The following SLC24A2 variants were observed in gnomAD, a reference collection of about 807,000 sequenced individuals.
SLC24A2 encodes the protein solute carrier family 24 member 2.
A neutral mutation model predicts 62.0 loss-of-function variants in SLC24A2; 36 were observed. The ratio of observed to expected loss-of-function variants is 0.58; its 90% CI spans 0.44 to 0.77. SLC24A2 has a LOEUF of 0.77. Among genes scored for constraint, SLC24A2 ranks in the 30% least tolerant of loss-of-function variants. The probability of loss-of-function intolerance (pLI) is 0.00; values close to 1 mark genes in which losing one functional copy is unlikely to be tolerated. For synonymous variants in SLC24A2, 358 were observed against 294.0 expected (o/e 1.22, Z -2.23); for missense variants, 846 against 817.9 (o/e 1.03, Z -0.42).
chr9:19,552,928 C>T (rs1834916309), intron 7 of SLC24A2, among the ~76,000 whole-genome samples: 2 of 152,170 alleles, frequency 1.3e-5, no homozygotes, highest in Admixed American at 1.3e-4. Context: ...GAACAGCTTC[C>T]AAAGCTGCAT....
the SLC24A2 span, among the ~76,000 whole-genome samples, chr9:20,127,710 G>C: frequency 6.6e-6 from 1 of 152,128 alleles, no homozygotes; most frequent in Non-Finnish European, 1.5e-5. Flanking sequence ...AAGGATAAGA[G>C]ACAGACGGGA....
intron 9 of SLC24A2, among the ~76,000 whole-genome samples, chr9:19,521,417 A>C (rs1400709292): frequency 1.3e-5 from 2 of 152,230 alleles, no homozygotes; most frequent in African/African-American, 4.8e-5. Flanking sequence ...AGCACCTGGC[A>C]GTGGCACCAA....
chr9:20,255,867 C>G, the SLC24A2 span, among the ~76,000 whole-genome samples: 2 of 152,188 alleles, frequency 1.3e-5, no homozygotes, highest in African/African-American at 4.8e-5. Context: ...TTGAGCCCAG[C>G]TCCGATTGTT....
At chr9:19,969,914 G>C in the SLC24A2 span, among the ~76,000 whole-genome samples, 1 of 152,186 alleles carries the variant, frequency 6.6e-6, no homozygotes. Context: ...AATATAAAGT[G>C]TCTGTGCAAG....
chr9:19,685,161 T>C (rs1819843561), intron 2 of SLC24A2, among the ~76,000 whole-genome samples: 1 of 152,022 alleles, frequency 6.6e-6, no homozygotes, highest in Non-Finnish European at 1.5e-5. Context: ...CCATTCATAA[T>C]AGCCACAAAG....
At chr9:19,891,518 G>C in the SLC24A2 span, among the ~76,000 whole-genome samples, 1 of 152,156 alleles carries the variant, frequency 6.6e-6, no homozygotes, top group Non-Finnish European at 1.5e-5. Context: ...GACGGTGAAG[G>C]GGGAGAAAGC....
intron 7 of SLC24A2, among the ~76,000 whole-genome samples, chr9:19,560,417 A>G (rs1461252173): frequency 1.3e-5 from 2 of 151,780 alleles, no homozygotes; most frequent in Non-Finnish European, 2.9e-5. Context: ...TGGGGCCCTG[A>G]TCCAATAGGA....
chr9:19,662,463 T>C (rs993888911), intron 2 of SLC24A2, among the ~76,000 whole-genome samples: 6 of 152,218 alleles, frequency 3.9e-5, no homozygotes, highest in African/African-American at 1.4e-4. Context: ...CTTTCAGCTC[T>C]TACTCCTACT....
intron 8 of SLC24A2, among the ~76,000 whole-genome samples, chr9:19,531,701 C>CA (rs1465883752): frequency 7.0e-6 from 1 of 141,936 alleles, no homozygotes; most frequent in African/African-American, 2.6e-5. Context: ...GACCCCCCCC[C>CA]ACCCCCCAAA....
rs796363754 is a variant in SLC24A2 at position 19,632,635 on chromosome 9, ACTT to A, written c.931-10339_931-10337del. 3.0e-4 allele frequency among the ~76,000 whole-genome samples: 45 copies of A among 152,348 alleles called. No individual in the cohort carries two copies. Among genetic ancestry groups the A allele is most frequent in the African/African-American group, 9.6e-4 (40 of 41,578 alleles). On this transcript the variant is annotated intron_variant, in intron 2 of 10. Transcript: ENST00000341998. The surrounding 1 kb of genome is among the most constrained non-coding windows in gnomAD (Gnocchi z 4.5). ...GTATTATTAGGAAACATTTTTAATA[ACTT>A]CTTATTTGGAAATAATTATAGATTC...
chr9:19,914,391 C>A, the SLC24A2 span, among the ~76,000 whole-genome samples: 3 of 152,042 alleles, frequency 2.0e-5, no homozygotes, highest in African/African-American at 7.2e-5. Flanking sequence ...TACAAAAGAC[C>A]CTACTTGATC....
chr9:19,690,955 G>A (rs1340280211), intron 2 of SLC24A2, among the ~76,000 whole-genome samples: 1 of 152,038 alleles, frequency 6.6e-6, no homozygotes, highest in Non-Finnish European at 1.5e-5. Flanking sequence ...GAGACAGAGA[G>A]AGAATGTGTA....
At chr9:19,900,494 C>G in the SLC24A2 span, among the ~76,000 whole-genome samples, 2 of 152,080 alleles carry the variant, frequency 1.3e-5, no homozygotes, top group Admixed American at 6.5e-5. Context: ...ATCAGGCAGG[C>G]CTGAGTCCCA....
At chr9:20,178,609 G>A in the SLC24A2 span, among the ~76,000 whole-genome samples, 2 of 151,976 alleles carry the variant, frequency 1.3e-5, no homozygotes, top group Admixed American at 6.6e-5. Context: ...TTGTGAAACG[G>A]CAAACTAAAT....
At chr9:19,540,353 C>G in intron 8 of SLC24A2, among the ~76,000 whole-genome samples, 1 of 145,144 alleles carries the variant, frequency 6.9e-6, no homozygotes, top group African/African-American at 2.7e-5. Context: ...CCGGTTGTTC[C>G]TTTCCATGTT....
chr9:20,257,797 A>C, the SLC24A2 span, among the ~76,000 whole-genome samples: 3 of 152,290 alleles, frequency 2.0e-5, no homozygotes, highest in South Asian at 6.2e-4. Context: ...ACCCTCAATA[A>C]ATAATGGTTC....
At chr9:20,043,510 A>T in the SLC24A2 span, among the ~76,000 whole-genome samples, 1 of 152,236 alleles carries the variant, frequency 6.6e-6, no homozygotes, top group Non-Finnish European at 1.5e-5. Context: ...CATTAAGGGC[A>T]TTTGTGATTC....
intron 2 of SLC24A2, among the ~76,000 whole-genome samples, chr9:19,658,829 G>T (rs1188231931): frequency 1.3e-5 from 2 of 152,138 alleles, no homozygotes; most frequent in Non-Finnish European, 2.9e-5. Context: ...GCCAAGGGCT[G>T]GTTTCTCTCC....
chr9:20,090,212 G>A, the SLC24A2 span, among the ~76,000 whole-genome samples: 2 of 152,266 alleles, frequency 1.3e-5, no homozygotes, highest in African/African-American at 4.8e-5. Context: ...CCCATCCAGG[G>A]CTGATTGTAC....
Sources: allele counts gnomAD v4.1 joint callset (sites outside exome capture counted in the v4.1 genomes callset), GRCh38; gene constraint gnomAD v4.1.1; non-coding constraint Gnocchi (gnomAD v3.1); transcripts MANE v1.5; gene names NCBI Gene and HGNC (gene_info 2026-07-23, HGNC 2026-07-21).